ERC2: variants seen among roughly 807,000 people sequenced by gnomAD.
ERC2 encodes the protein ELKS/RAB6-interacting/CAST family member 2.
Under a neutral mutation model 114.8 loss-of-function variants are expected in ERC2, and 42 were observed. That is an observed-to-expected ratio of 0.37 (90% confidence interval 0.29 to 0.47). The LOEUF is 0.47. ERC2 is among the 20% of genes least tolerant of loss of function. ERC2 has a pLI of 0.99. For synonymous variants in ERC2, 454 were observed against 425.5 expected (o/e 1.07, Z -0.82); for missense variants, 939 against 1,150.7 (o/e 0.82, Z 2.66).
At chr3:55,808,381 A>G (rs1462076345) in intron 14 of ERC2, among the ~76,000 whole-genome samples, 1 of 152,128 alleles carries the variant, frequency 6.6e-6, no homozygotes, top group Non-Finnish European at 1.5e-5. Context: ...TTTCCAAAAG[A>G]GTTTGAAACA....
chr3:55,692,383 T>C (rs1413007478), intron 16 of ERC2, among the ~76,000 whole-genome samples: 1 of 152,180 alleles, frequency 6.6e-6, no homozygotes. Flanking sequence ...AGGTGGGTTT[T>C]ATGAAAAAAG....
At chr3:55,688,810 A>T (rs1282293689) in intron 16 of ERC2, among the ~76,000 whole-genome samples, 1 of 152,196 alleles carries the variant, frequency 6.6e-6, no homozygotes, top group Non-Finnish European at 1.5e-5. Context: ...ATGAGTAATT[A>T]TGGAAGGCTC....
At chr3:56,050,073 G>A (rs992313260) in intron 7 of ERC2, among the ~76,000 whole-genome samples, 1 of 152,118 alleles carries the variant, frequency 6.6e-6, no homozygotes, top group Admixed American at 6.6e-5. Context: ...ACTGCAAAGG[G>A]GCATGAGGGA....
intron 17 of ERC2, among the ~76,000 whole-genome samples, chr3:55,596,549 G>A (rs9878493): frequency 0.027 from 4,111 of 152,278 alleles, 188 homozygotes; most frequent in African/African-American, 0.093. Context: ...ATGCACTCCA[G>A]CCAGGGTTAT....
intron 13 of ERC2, among the ~76,000 whole-genome samples, chr3:55,925,775 G>A (rs1206736127): frequency 6.6e-6 from 1 of 152,098 alleles, no homozygotes; most frequent in Non-Finnish European, 1.5e-5. Flanking sequence ...TAAATAAAAG[G>A]CCAGCAGAGA....
intron 7 of ERC2, among the ~76,000 whole-genome samples, chr3:56,077,384 A>G (rs2077023181): frequency 6.6e-6 from 1 of 152,188 alleles, no homozygotes; most frequent in Non-Finnish European, 1.5e-5. Context: ...TTCCAAACCC[A>G]TTATCTACAT....
At chr3:56,299,106 GTTTT>G (rs539540086) in intron 2 of ERC2, among the ~76,000 whole-genome samples, 1 of 123,248 alleles carries the variant, frequency 8.1e-6, no homozygotes, top group Non-Finnish European at 1.7e-5. Flanking sequence ...GTTTTTTTTT[GTTTT>G]TTTTTTTTGT....
Position 55,764,537 on chromosome 3 carries a change from T to C in ERC2, c.2565-29619A>G, listed in dbSNP as rs75283725. Among the ~76,000 whole-genome samples the C allele has an allele frequency of 7.5e-3, 1,150 of 152,334 alleles. 19 individuals carry two copies. The highest frequency in any genetic ancestry group is 0.027 in the African/African-American group (1,109 of 41,572). On this transcript the variant is annotated intron_variant, in intron 14 of 17. Coordinates refer to ENST00000288221, the MANE Select transcript of ERC2 (RefSeq NM_015576.3). ...ATGACTACACAAATGAAGGAGATAC[T>C]TATGGCTTTGGCTGTGCTCTTATTT...
intron 17 of ERC2, among the ~76,000 whole-genome samples, chr3:55,630,529 G>A (rs1384636929): frequency 1.3e-5 from 2 of 152,150 alleles, no homozygotes; most frequent in Non-Finnish European, 2.9e-5. Context: ...CTGACTGTGG[G>A]GAGAAAGGGG....
At chr3:55,788,426 T>C (rs2069689583) in intron 14 of ERC2, among the ~76,000 whole-genome samples, 1 of 152,136 alleles carries the variant, frequency 6.6e-6, no homozygotes, top group Admixed American at 6.5e-5. Flanking sequence ...TCAGCTACAA[T>C]GGGAGGACAA....
At position 56,170,161 on chromosome 3, in the gene ERC2, T is replaced by C. The variant is rs375919705; in HGVS notation, c.1149+3285A>G. Among the ~76,000 whole-genome samples the C allele has an allele frequency of 3.3e-5, 5 of 152,224 alleles. No individual in the cohort carries two copies. The East Asian group carries it at 5.8e-4, about 18-fold the overall frequency. On this transcript the variant is annotated intron_variant, in intron 4 of 17. Coordinates refer to ENST00000288221, the MANE Select transcript of ERC2 (RefSeq NM_015576.3). The stretch of plus-strand genomic sequence containing the variant: ...ACCAAATCAGGATCAAAATTAAAAC[T>C]TGAAGCTTCCTGCAAGAAGATAAAT...
At chr3:55,888,773 G>A (rs551361412) in intron 13 of ERC2, among the ~76,000 whole-genome samples, 1 of 152,236 alleles carries the variant, frequency 6.6e-6, no homozygotes, top group South Asian at 2.1e-4. Flanking sequence ...AAGGCTGGGA[G>A]GGGGTTGAGG....
intron 3 of ERC2, among the ~76,000 whole-genome samples, chr3:56,280,496 A>C (rs933241663): frequency 1.3e-5 from 2 of 148,288 alleles, no homozygotes; most frequent in South Asian, 4.2e-4. Flanking sequence ...ACAAGGACAC[A>C]GGGGGAGAAT....
intron 3 of ERC2, among the ~76,000 whole-genome samples, chr3:56,174,688 T>C (rs1191613304): frequency 1.3e-5 from 2 of 152,184 alleles, no homozygotes; most frequent in African/African-American, 4.8e-5. Context: ...TTCAAAAAGA[T>C]AGGACATGGG....
intron 3 of ERC2, among the ~76,000 whole-genome samples, chr3:56,186,672 G>A (rs1297358272): frequency 6.6e-6 from 1 of 152,110 alleles, no homozygotes; most frequent in East Asian, 1.9e-4. Context: ...CTGAGTAGCT[G>A]GGATTACAGG....
At chr3:55,840,091 G>C (rs1480132669) in intron 14 of ERC2, among the ~76,000 whole-genome samples, 1 of 151,904 alleles carries the variant, frequency 6.6e-6, no homozygotes, top group Non-Finnish European at 1.5e-5. Context: ...GCAGGGATAG[G>C]GAGGATCATT....
At chr3:56,315,565 A>G (rs2056825089) in intron 2 of ERC2, among the ~76,000 whole-genome samples, 2 of 152,202 alleles carry the variant, frequency 1.3e-5, no homozygotes, top group Admixed American at 6.5e-5. Context: ...AAACCCATGT[A>G]TGCATTCCTA....
At chr3:55,921,544 G>A (rs1435707226) in intron 13 of ERC2, among the ~76,000 whole-genome samples, 1 of 151,964 alleles carries the variant, frequency 6.6e-6, no homozygotes, top group Non-Finnish European at 1.5e-5. Context: ...ACCTGAATAT[G>A]GTTTTTAAAA....
chr3:55,770,272 A>C (rs755841666), intron 14 of ERC2, among the ~76,000 whole-genome samples: 1 of 152,206 alleles, frequency 6.6e-6, no homozygotes, highest in Non-Finnish European at 1.5e-5. Context: ...GTTATCCTCC[A>C]AAGCCCACTA....
Sources: allele counts gnomAD v4.1 joint callset (sites outside exome capture counted in the v4.1 genomes callset), GRCh38; gene constraint gnomAD v4.1.1; transcripts MANE v1.5; gene names NCBI Gene and HGNC (gene_info 2026-07-23, HGNC 2026-07-21).